PCDH9: variants seen among roughly 807,000 people sequenced by gnomAD.
The protein encoded by PCDH9 is protocadherin-9.
In PCDH9, 24 loss-of-function variants were observed where a neutral mutation model predicts 70.6. The ratio of observed to expected loss-of-function variants is 0.34; its 90% CI spans 0.25 to 0.48. The LOEUF is 0.48. PCDH9 is among the 20% of genes least tolerant of loss of function. The pLI is 0.99. For missense variants in PCDH9, 1,281 were observed against 1,503.6 expected, an observed-to-expected ratio of 0.85 and a Z score of 2.45; for synonymous variants, 562 against 558.5, an observed-to-expected ratio of 1.01 and a Z score of -0.09.
chr13:67,043,045 G>T (rs2085153630), intron 2 of PCDH9, among the ~76,000 whole-genome samples: 1 of 152,152 alleles, frequency 6.6e-6, no homozygotes, highest in South Asian at 2.1e-4. Context: ...TACAAGTTTA[G>T]TATAATTGGG....
At chr13:67,007,260 C>CA (rs989546289) in intron 2 of PCDH9, among the ~76,000 whole-genome samples, 146 of 150,952 alleles carry the variant, frequency 9.7e-4, no homozygotes, top group African/African-American at 3.4e-3. Flanking sequence ...GTACAGCCAC[C>CA]AAAAAAATTG....
chr13:66,637,662 C>T (rs550471672), intron 3 of PCDH9, among the ~76,000 whole-genome samples: 4 of 152,026 alleles, frequency 2.6e-5, no homozygotes, highest in East Asian at 1.9e-4. Flanking sequence ...GCCTGTATTC[C>T]GAGCACTTTG....
At chr13:66,867,431 G>C (rs2081596312) in intron 3 of PCDH9, among the ~76,000 whole-genome samples, 1 of 152,024 alleles carries the variant, frequency 6.6e-6, no homozygotes, top group South Asian at 2.1e-4. Flanking sequence ...CCTTTAGGGA[G>C]GCTGCAGTGT....
At chr13:66,709,845 G>A (rs2078768666) in intron 3 of PCDH9, among the ~76,000 whole-genome samples, 1 of 152,016 alleles carries the variant, frequency 6.6e-6, no homozygotes, top group Non-Finnish European at 1.5e-5. Flanking sequence ...ACAGAGTCAG[G>A]GAGGATTCAA....
chr13:66,663,216 T>C (rs1415543645), intron 3 of PCDH9, among the ~76,000 whole-genome samples: 1 of 152,202 alleles, frequency 6.6e-6, no homozygotes, highest in Non-Finnish European at 1.5e-5. Flanking sequence ...ATTTATTCTA[T>C]TTATGAGATT....
chr13:66,829,844 A>G (rs545932582), intron 3 of PCDH9, among the ~76,000 whole-genome samples: 1 of 150,628 alleles, frequency 6.6e-6, no homozygotes, highest in South Asian at 2.1e-4. Context: ...TTTTTAACTT[A>G]TCAAATCTTT....
Position 67,054,914 on chromosome 13 carries a change from G to A in PCDH9, c.3037-151309C>T, listed in dbSNP as rs1054294059. On this transcript the variant is annotated intron_variant, in intron 2 of 4. Coordinates refer to ENST00000377865, the MANE Select transcript of PCDH9 (RefSeq NM_203487.3). ...CATATATTTGAAAGGGGAAATGAGA[G>A]AATATGTTGGGCTGGGCAAATATAG... is the stretch of plus-strand genomic sequence containing the variant. Among the ~76,000 whole-genome samples the A allele has an allele frequency of 2.0e-5, 3 of 152,182 alleles. No homozygotes were observed. The East Asian group carries it at 5.8e-4, about 29-fold the overall frequency.
At chr13:66,799,359 A>T (rs1172451295) in intron 3 of PCDH9, among the ~76,000 whole-genome samples, 3 of 152,106 alleles carry the variant, frequency 2.0e-5, no homozygotes, top group East Asian at 3.9e-4. Flanking sequence ...CCAATGACAG[A>T]TGGTGGGCAA....
chr13:66,728,965 A>G (rs2079038746), intron 3 of PCDH9, among the ~76,000 whole-genome samples: 1 of 151,966 alleles, frequency 6.6e-6, no homozygotes, highest in African/African-American at 2.4e-5. Flanking sequence ...TTCTTCTTGT[A>G]ATAATCACTT....
At position 66,331,744 on chromosome 13, in the gene PCDH9, T is replaced by C. The variant is rs1445914184; in HGVS notation, c.3341-26716A>G. On this transcript the variant is annotated intron_variant, in intron 4 of 4. Coordinates refer to ENST00000377865, the MANE Select transcript of PCDH9 (RefSeq NM_203487.3). ...TATCCCCTTGAGGGTTACACTTTAGTGGCAATAAATGAGTAGACCATTCAT... is the reference window on the plus strand; with the variant it reads ...TATCCCCTTGAGGGTTACACTTTAGCGGCAATAAATGAGTAGACCATTCAT... 2.0e-5 allele frequency among the ~76,000 whole-genome samples: 3 copies of C among 152,274 alleles called. No homozygotes were observed. The East Asian group carries it at 5.8e-4, about 29-fold the overall frequency.
At chr13:66,452,038 G>T (rs1387649728) in intron 4 of PCDH9, among the ~76,000 whole-genome samples, 1 of 152,166 alleles carries the variant, frequency 6.6e-6, no homozygotes, top group East Asian at 1.9e-4. Context: ...AGGTCTCCAT[G>T]ACAGTTGTGT....
At chr13:67,081,203 A>G (rs2085976108) in intron 2 of PCDH9, among the ~76,000 whole-genome samples, 1 of 152,208 alleles carries the variant, frequency 6.6e-6, no homozygotes, top group East Asian at 1.9e-4. Flanking sequence ...TGGCAATCAC[A>G]TATAATAAAT....
chr13:67,057,100 A>G (rs1003778353), intron 2 of PCDH9, among the ~76,000 whole-genome samples: 1 of 152,152 alleles, frequency 6.6e-6, no homozygotes, highest in African/African-American at 2.4e-5. Flanking sequence ...AGATTGGCTC[A>G]TTTGAAAACC....
intron 4 of PCDH9, among the ~76,000 whole-genome samples, chr13:66,528,803 A>G (rs1008203402): frequency 1.3e-5 from 2 of 152,158 alleles, no homozygotes; most frequent in African/African-American, 2.4e-5. Context: ...CCTGAGAATT[A>G]TAAACTTCTT....
intron 2 of PCDH9, among the ~76,000 whole-genome samples, chr13:67,135,195 C>A (rs2087205335): frequency 6.6e-6 from 1 of 152,096 alleles, no homozygotes; most frequent in South Asian, 2.1e-4. Context: ...CTTTCAGAAA[C>A]ACCAAAATGT....
chr13:66,761,911 T>C (rs2079634871), intron 3 of PCDH9, among the ~76,000 whole-genome samples: 1 of 151,168 alleles, frequency 6.6e-6, no homozygotes, highest in Non-Finnish European at 1.5e-5. Flanking sequence ...TTTTGTCCAT[T>C]TGGTAGTGTC....
At chr13:66,500,316 A>C (rs1163214975) in intron 4 of PCDH9, among the ~76,000 whole-genome samples, 3 of 152,180 alleles carry the variant, frequency 2.0e-5, no homozygotes, top group African/African-American at 7.2e-5. Flanking sequence ...GCAAAGAGCT[A>C]TCTGGGCTCC....
chr13:66,556,922 A>T (rs1455519617), intron 4 of PCDH9, among the ~76,000 whole-genome samples: 1 of 152,158 alleles, frequency 6.6e-6, no homozygotes, highest in African/African-American at 2.4e-5. Flanking sequence ...CAGCTATGTT[A>T]TATTATTTAA....
intron 4 of PCDH9, among the ~76,000 whole-genome samples, chr13:66,613,399 C>T (rs1173454360): frequency 6.6e-6 from 1 of 152,176 alleles, no homozygotes; most frequent in Non-Finnish European, 1.5e-5. Flanking sequence ...AGCAATTAAC[C>T]TTTAAAGTCT....
Sources: allele counts gnomAD v4.1 joint callset (sites outside exome capture counted in the v4.1 genomes callset), GRCh38; gene constraint gnomAD v4.1.1; transcripts MANE v1.5; gene names NCBI Gene and HGNC (gene_info 2026-07-23, HGNC 2026-07-21).